TTC7A: variants seen among roughly 807,000 people sequenced by gnomAD.
TTC7A encodes tetratricopeptide repeat protein 7A.
A neutral mutation model predicts 103.7 loss-of-function variants in TTC7A; 110 were observed. That is an observed-to-expected ratio of 1.06 (90% CI 0.91 to 1.24). The LOEUF is 1.24. Ranked by LOEUF, TTC7A falls within the 50% of genes most tolerant of loss-of-function variation. The probability of loss-of-function intolerance (pLI) is 0.00; values close to 1 mark genes in which losing one functional copy is unlikely to be tolerated. For synonymous variants in TTC7A, 521 were observed against 467.9 expected, an observed-to-expected ratio of 1.11 and a Z score of -1.47; for missense variants, 1,340 against 1,116.3, an observed-to-expected ratio of 1.20 and a Z score of -2.86.
intron 11 of TTC7A, among the ~76,000 whole-genome samples, chr2:47,016,508 G>T (rs1678675947): frequency 6.6e-6 from 1 of 152,238 alleles, no homozygotes; most frequent in Non-Finnish European, 1.5e-5. Flanking sequence ...AGAGGACTAG[G>T]CAGGGAAAGA....
chr2:46,941,004 C>T (rs1670285500), upstream of TTC7A, among the ~76,000 whole-genome samples: 1 of 151,476 alleles, frequency 6.6e-6, no homozygotes, highest in South Asian at 2.1e-4. The surrounding 1 kb of genome is among the most constrained non-coding windows in gnomAD (Gnocchi z 4.2). Context: ...GGCGCCGGGG[C>T]TCCGCGCGGG....
At chr2:47,004,914 G>A (rs888455279) in intron 8 of TTC7A, among the ~76,000 whole-genome samples, 2 of 152,034 alleles carry the variant, frequency 1.3e-5, no homozygotes, top group African/African-American at 4.8e-5. Context: ...GTATAGAGGT[G>A]GGCAGAGGGG....
chr2:47,003,909 C>T (rs897603575), intron 8 of TTC7A, among the ~76,000 whole-genome samples: 9 of 152,202 alleles, frequency 5.9e-5, no homozygotes, highest in African/African-American at 2.2e-4. Context: ...TCGCCGGGGA[C>T]AGAACGAGGG....
intron 3 of TTC7A, chr2:46,958,618 G>T: frequency 8.6e-7 from 1 of 1,166,256 alleles, no homozygotes; most frequent in Non-Finnish European, 1.1e-6. Flanking sequence ...CCGTTCCCCA[G>T]TGACTGCACA....
intron 19 of TTC7A, among the ~76,000 whole-genome samples, chr2:47,066,980 T>C (rs1402665695): frequency 1.3e-5 from 2 of 152,220 alleles, no homozygotes; most frequent in Non-Finnish European, 2.9e-5. Flanking sequence ...TCTTGCTGCC[T>C]CATCCCATGG....
At chr2:47,052,175 TG>T (rs1335818498) in intron 18 of TTC7A, among the ~76,000 whole-genome samples, 1 of 152,056 alleles carries the variant, frequency 6.6e-6, no homozygotes, top group Non-Finnish European at 1.5e-5. Context: ...CTTCAAACCC[TG>T]GAGAGCTCAG....
chr2:47,011,400 A>T lies in TTC7A; in HGVS notation c.1357A>T (p.Met453Leu). ...GCCCTCGGACCCCACCGTGCCCCTG[A>T]TGGCCGCGAAGGTCTGCATCGGGTC... The part of the protein sequence containing the change: ...LRPSDPTVPL[M>L]AAKVCIGSLR... Residue 453 changes from methionine to leucine, a missense_variant, in exon 11 of 20, where the codon ATG becomes TTG. Transcript: ENST00000319190. 6.2e-7 allele frequency: 1 copy of T among 1,610,752 alleles called. No individual in the cohort carries two copies. The highest frequency in any genetic ancestry group is 8.5e-7 in the Non-Finnish European group (1 of 1,179,878).
intron 1 of TTC7A, among the ~76,000 whole-genome samples, chr2:46,916,893 A>G (rs746580695): frequency 7.3e-5 from 11 of 151,722 alleles, no homozygotes; most frequent in Non-Finnish European, 1.0e-4. Flanking sequence ...TCAGCCTCCC[A>G]AAGTGCTGGG....
chr2:47,032,510 C>G (rs745721676), intron 15 of TTC7A, among the ~76,000 whole-genome samples: 1 of 152,162 alleles, frequency 6.6e-6, no homozygotes, highest in African/African-American at 2.4e-5. Flanking sequence ...CTAGGGGAAT[C>G]AGCTCTGAGG....
intron 8 of TTC7A, among the ~76,000 whole-genome samples, chr2:47,002,048 T>G (rs987715441): frequency 4.6e-5 from 7 of 152,134 alleles, no homozygotes; most frequent in South Asian, 2.1e-4. Flanking sequence ...GCTGAGCTGT[T>G]GGGTGATGGG....
chr2:47,029,097 T>C, intron 14 of TTC7A, 127 bp from the exon 15 acceptor site: 2 of 1,106,374 alleles, frequency 1.8e-6, no homozygotes, highest in Non-Finnish European at 2.6e-6. Flanking sequence ...CACAGCAGCC[T>C]CCCTGCCCCC....
Position 46,973,434 on chromosome 2 carries a change from C to G in TTC7A, c.518-1539C>G, listed in dbSNP as rs2163984. Among the ~76,000 whole-genome samples the G allele has an allele frequency of 9.0e-3, 1,368 of 152,320 alleles. 18 individuals are homozygous for G. Among genetic ancestry groups the G allele is most frequent in the African/African-American group, 0.031 (1,278 of 41,570 alleles). Reference sequence around the variant, plus strand: ...GGAAACCCTTGCTACCCTCATTTATCCCCCGTCAGGGAGGGCCTCAGTGCC... The same window carrying G: ...GGAAACCCTTGCTACCCTCATTTATGCCCCGTCAGGGAGGGCCTCAGTGCC... On this transcript the variant is annotated intron_variant, in intron 3 of 19. Coordinates refer to ENST00000319190, the MANE Select transcript of TTC7A (RefSeq NM_020458.4).
chr2:46,994,182 T>C (rs1271558371), intron 6 of TTC7A, 175 bp from the exon 7 acceptor site: 2 of 681,808 alleles, frequency 2.9e-6, no homozygotes, highest in African/African-American at 3.6e-5. Flanking sequence ...AGCGCCAGTG[T>C]TGGAGGGACT....
chr2:47,029,170 G>A (rs1680237563), intron 14 of TTC7A, 54 bp from the exon 15 acceptor site: 1 of 1,598,640 alleles, frequency 6.3e-7, no homozygotes, highest in African/African-American at 1.3e-5. Context: ...TGGCTCCTGA[G>A]TCCCAGGGCA....
intron 5 of TTC7A, among the ~76,000 whole-genome samples, chr2:46,981,508 TG>T (rs1216982805): frequency 1.3e-5 from 2 of 152,108 alleles, no homozygotes; most frequent in African/African-American, 2.4e-5. Context: ...GGGATGAGGC[TG>T]AGGATTGTAG....
chr2:46,976,217 A>G (rs960460903), intron 4 of TTC7A, among the ~76,000 whole-genome samples: 1 of 152,224 alleles, frequency 6.6e-6, no homozygotes, highest in East Asian at 1.9e-4. Context: ...CACTGACTGG[A>G]TGAAATCGGT....
intron 2 of TTC7A, among the ~76,000 whole-genome samples, chr2:46,920,788 A>G (rs56313712): frequency 0.033 from 5,066 of 152,164 alleles, 290 homozygotes; most frequent in African/African-American, 0.11. Flanking sequence ...TTATGTGGCA[A>G]ACTTCTGAGG....
chr2:47,046,129 G>A (rs565559480), intron 15 of TTC7A, among the ~76,000 whole-genome samples, 186 bp from the exon 16 acceptor site: 1 of 152,354 alleles, frequency 6.6e-6, no homozygotes, highest in South Asian at 2.1e-4. Flanking sequence ...GCAAAGATGG[G>A]GAGAAACTGA....
chr2:46,970,477 G>A (rs1673258176), intron 3 of TTC7A, among the ~76,000 whole-genome samples: 1 of 152,252 alleles, frequency 6.6e-6, no homozygotes, highest in Non-Finnish European at 1.5e-5. Context: ...GAACTAGCCA[G>A]TAGCTGGCAT....
Sources: gnomAD v4.1 joint callset for allele counts (sites outside exome capture counted in the v4.1 genomes callset) on GRCh38, gnomAD v4.1.1 for gene constraint, Gnocchi (gnomAD v3.1) non-coding constraint, MANE v1.5 for transcripts, NCBI Gene and HGNC (gene_info 2026-07-23, HGNC 2026-07-21) for gene names.